GDPD4: variants seen among roughly 807,000 people sequenced by gnomAD.
GDPD4 encodes the protein glycerophosphodiester phosphodiesterase domain containing 4.
In GDPD4, 60 loss-of-function variants were observed where a neutral mutation model predicts 67.8. The observed-to-expected ratio is 0.88, with a 90% CI of 0.72 to 1.10. The LOEUF (loss-of-function observed/expected upper bound fraction) is 1.10. Ranked by LOEUF, GDPD4 falls within the 50% of genes least tolerant of loss-of-function variation. GDPD4 has a pLI of 0.00. For synonymous variants in GDPD4, 212 were observed against 210.9 expected (o/e 1.00, Z -0.04); for missense variants, 623 against 613.9 (o/e 1.01, Z -0.16).
chr11:77,224,457 T>C (rs1283412930), intron 16 of GDPD4, among the ~76,000 whole-genome samples: 1 of 152,208 alleles, frequency 6.6e-6, no homozygotes, highest in Non-Finnish European at 1.5e-5. Flanking sequence ...GACTTCATCA[T>C]AGCAGACTGG....
rs1261092545 is a variant in GDPD4 at position 77,258,424 on chromosome 11, A to C, written c.826T>G (p.Ser276Ala). Residue 276 changes from serine (S) to alanine (A), a missense_variant, in exon 11 of 17, where the codon TCG becomes GCG. Physicochemically the swap from Ser to Ala is moderately conservative, Grantham distance 99. Coordinates refer to ENST00000315938, the MANE Select transcript of GDPD4 (RefSeq NM_182833.3). ...NPAFFNWDFL[S>A]TLNAGKWFVK... ...AACCATTTGCCTGCATTCAGAGTCG[A>C]TAGGAAATCCCAGTTGAAGAAGGCA... 1 of 1,614,172 alleles carries C rather than the reference A, an allele frequency of 6.2e-7. No individual in the cohort carries two copies. The highest frequency in any genetic ancestry group is 8.5e-7 in the Non-Finnish European group (1 of 1,180,018).
chr11:77,242,866 A>G (rs564971029), intron 13 of GDPD4, among the ~76,000 whole-genome samples: 1 of 152,146 alleles, frequency 6.6e-6, no homozygotes. Flanking sequence ...AAGCAGGAAC[A>G]GAAACAGATG....
In GDPD4 at chr11:77,269,024, C is replaced by T. The variant is rs761508312; in HGVS notation, c.524G>A (p.Gly175Asp). The change falls in exon 9 of 17, where the codon GGT becomes GAT. Residue 175 changes from glycine (G) to aspartate (D), a missense_variant. Gly to Asp is a moderately conservative substitution (Grantham distance 94). Transcript: ENST00000315938. The stretch of plus-strand genomic sequence containing the variant: ...AATCCCCAGTGGCATCAAATAGAGA[C>T]CTAAAAGGATAAGAAGAAAGGGTAA... ...VGLPFLLILLGLYLMPLGIYS... is the reference protein window; with the variant it reads ...VGLPFLLILLDLYLMPLGIYS... The T allele has an allele frequency of 6.2e-7, 1 of 1,613,646 alleles. No homozygotes were observed.
intron 14 of GDPD4, among the ~76,000 whole-genome samples, chr11:77,231,428 G>A (rs1958452289): frequency 6.6e-6 from 1 of 152,308 alleles, no homozygotes; most frequent in East Asian, 1.9e-4. Context: ...TAACTCTGGA[G>A]TGTAGGCTTC....
chr11:77,270,721 A>G (rs1959210299), intron 7 of GDPD4, among the ~76,000 whole-genome samples: 1 of 152,182 alleles, frequency 6.6e-6, no homozygotes, highest in African/African-American at 2.4e-5. Context: ...AAACACAAAC[A>G]AACAAACAAA....
chr11:77,299,154 T>C (rs1413279686), intron 1 of GDPD4, among the ~76,000 whole-genome samples: 1 of 152,032 alleles, frequency 6.6e-6, no homozygotes, highest in Non-Finnish European at 1.5e-5. Context: ...GGGCCGGAGG[T>C]AGCAGTTGCT....
At chr11:77,227,599 A>T (rs1958368191) in intron 16 of GDPD4, among the ~76,000 whole-genome samples, 1 of 152,186 alleles carries the variant, frequency 6.6e-6, no homozygotes, top group Admixed American at 6.5e-5. Flanking sequence ...ATGATACATG[A>T]ATATATGAAG....
In GDPD4 at chr11:77,239,708, C is replaced by T. The variant is rs183388015; in HGVS notation, c.1241+3986G>A. On this transcript the variant is annotated intron_variant, in intron 13 of 16. Transcript: ENST00000315938. ...GGTGCGGTGGCTCACACCTTATAAT[C>T]CCAGCACTTTGGGGGGCTGAGGCGG... Among the ~76,000 whole-genome samples, 1,265 of 152,184 alleles carry T rather than the reference C, an allele frequency of 8.3e-3. 29 individuals are homozygous for T. Among genetic ancestry groups the T allele is most frequent in the African/African-American group, 0.029 (1,204 of 41,508 alleles).
intron 10 of GDPD4, among the ~76,000 whole-genome samples, chr11:77,266,619 T>C (rs932761963): frequency 1.3e-5 from 2 of 152,176 alleles, no homozygotes; most frequent in African/African-American, 4.8e-5. Flanking sequence ...GACCGCTCCA[T>C]GCATGTTATC....
At chr11:77,247,238 C>G (rs1346620241) in intron 11 of GDPD4, among the ~76,000 whole-genome samples, 1 of 152,110 alleles carries the variant, frequency 6.6e-6, no homozygotes, top group Non-Finnish European at 1.5e-5. Context: ...TTTCTTAATT[C>G]TCAGGACAAT....
chr11:77,279,239 C>A, intron 4 of GDPD4, 67 bp downstream of exon 4: 7 of 991,108 alleles, frequency 7.1e-6, no homozygotes, highest in South Asian at 2.6e-5. Context: ...GGATACTATA[C>A]CACAGGCAGG....
intron 10 of GDPD4, among the ~76,000 whole-genome samples, chr11:77,265,187 A>G (rs746306062): frequency 6.6e-6 from 1 of 152,056 alleles, no homozygotes; most frequent in Non-Finnish European, 1.5e-5. Context: ...GCACATAGGT[A>G]ATTAAAATTA....
Position 77,245,271 on chromosome 11 carries a change from A to G in GDPD4, c.1086+10T>C, listed in dbSNP as rs760643120. 5 of 1,609,264 alleles carry G rather than the reference A, an allele frequency of 3.1e-6. No homozygotes were observed. Among genetic ancestry groups the G allele is most frequent in the Non-Finnish European group, 4.3e-6 (5 of 1,175,614 alleles). On this transcript the variant is annotated intron_variant, in intron 12 of 16. Coordinates refer to ENST00000315938, the MANE Select transcript of GDPD4 (RefSeq NM_182833.3). The stretch of plus-strand genomic sequence containing the variant: ...CCCAACCTATGTCATAAATACTGAG[A>G]TAGACTTACCAGATGTTGCTCGATT...
chr11:77,266,484 C>T (rs1034741541), intron 10 of GDPD4, among the ~76,000 whole-genome samples: 2 of 152,124 alleles, frequency 1.3e-5, no homozygotes, highest in African/African-American at 4.8e-5. Context: ...ATATTTACTA[C>T]ACTACACTTT....
intron 13 of GDPD4, among the ~76,000 whole-genome samples, chr11:77,239,862 T>C (rs1282713311): frequency 1.3e-5 from 2 of 151,346 alleles, no homozygotes; most frequent in African/African-American, 2.4e-5. Flanking sequence ...CTTGGGAGGT[T>C]GAAGCAGGAG....
At position 77,257,560 on chromosome 11, in the gene GDPD4, C is replaced by G. The variant is rs942383256; in HGVS notation, c.864+826G>C. Among the ~76,000 whole-genome samples, 13 of 142,988 alleles carry G rather than the reference C, an allele frequency of 9.1e-5. 1 individual carries two copies. Among genetic ancestry groups the G allele is most frequent in the African/African-American group, 3.4e-4 (13 of 37,820 alleles). The allele number at this position is 142,988 out of a possible 152,430, so 93.8% of individuals were successfully genotyped here. A position where few individuals can be genotyped will look rare whatever the true frequency, so the allele number is the denominator to read the frequency against. On this transcript the variant is annotated intron_variant, in intron 11 of 16. Coordinates refer to ENST00000315938, the MANE Select transcript of GDPD4 (RefSeq NM_182833.3). The stretch of plus-strand genomic sequence containing the variant: ...TCCCTCCCTCCCTCTCCTACACACA[C>G]ACACACACACACACACACACACACA...
At chr11:77,291,626 C>T (rs1937778720) in intron 1 of GDPD4, among the ~76,000 whole-genome samples, 1 of 152,148 alleles carries the variant, frequency 6.6e-6, no homozygotes. Context: ...CACATGTATA[C>T]AATAAATAAG....
chr11:77,297,808 C>CT, intron 1 of GDPD4, among the ~76,000 whole-genome samples: 1 of 152,308 alleles, frequency 6.6e-6, no homozygotes, highest in South Asian at 2.1e-4. Flanking sequence ...ATTCAGCACA[C>CT]TTTGAGCACT....
Position 77,216,772 on chromosome 11 carries a change from C to A in GDPD4, c.*505G>T. 1 of 601,008 alleles carries A rather than the reference C, an allele frequency of 1.7e-6. No homozygotes were observed. The highest frequency in any genetic ancestry group is 2.9e-6 in the Non-Finnish European group (1 of 339,022). The allele number at this position is 601,008 out of a possible 1,614,324, so 37.2% of individuals were successfully genotyped here. ...GGCCCTTCTGTGTGCCTTTATCAAC[C>A]ACTCCCCACCATCACCACCCTTAGG... On this transcript the variant is annotated 3_prime_UTR_variant, in exon 17 of 17. Transcript: ENST00000315938.
Sources: allele counts gnomAD v4.1 joint callset (sites outside exome capture counted in the v4.1 genomes callset), GRCh38; gene constraint gnomAD v4.1.1; transcripts MANE v1.5; gene names NCBI Gene and HGNC (gene_info 2026-07-23, HGNC 2026-07-21).